The following ZFP14 variants were observed in gnomAD, a reference collection of about 807,000 sequenced individuals.
The protein encoded by ZFP14 is zinc finger protein 14 homolog.
A neutral mutation model predicts 54.5 loss-of-function variants in ZFP14; 22 were observed. That is an observed-to-expected ratio of 0.40 (90% confidence interval 0.29 to 0.58). The LOEUF (loss-of-function observed/expected upper bound fraction) is 0.58, where lower values mean the gene tolerates loss of function less well. Among genes scored for constraint, ZFP14 ranks in the 20% least tolerant of loss-of-function variants. The probability of loss-of-function intolerance (pLI) is 0.39; values close to 1 mark genes in which losing one functional copy is unlikely to be tolerated. For synonymous variants in ZFP14, 159 were observed against 204.0 expected, an observed-to-expected ratio of 0.78 and a Z score of 1.88; for missense variants, 470 against 637.8, an observed-to-expected ratio of 0.74 and a Z score of 2.83.
chr19:36,361,563 C>A (rs778385544), intron 3 of ZFP14, among the ~76,000 whole-genome samples: 29 of 152,120 alleles, frequency 1.9e-4, no homozygotes, highest in Non-Finnish European at 2.8e-4. Context: ...GAGATGGAGT[C>A]TCACTCTGTC....
chr19:36,358,586 T>C (rs1313535215), intron 4 of ZFP14, among the ~76,000 whole-genome samples: 3 of 152,194 alleles, frequency 2.0e-5, no homozygotes, highest in African/African-American at 7.2e-5. Flanking sequence ...TTTCTTTTGA[T>C]AATGGATTTT....
intron 1 of ZFP14, 36 bp from the exon 2 acceptor site, chr19:36,368,007 G>A (rs1025123458): frequency 4.1e-5 from 50 of 1,228,554 alleles, no homozygotes; most frequent in African/African-American, 3.1e-4. Context: ...AATAAGCTGC[G>A]CCACAGAGCT....
intron 1 of ZFP14, 74 bp downstream of exon 1, chr19:36,379,089 T>G (rs1315369125): frequency 1.3e-5 from 2 of 152,500 alleles, no homozygotes; most frequent in Non-Finnish European, 2.9e-5. Context: ...TACTGCCTCC[T>G]GGCTCACACT....
At chr19:36,348,109 T>C (rs887165866) in intron 4 of ZFP14, among the ~76,000 whole-genome samples, 12 of 152,180 alleles carry the variant, frequency 7.9e-5, no homozygotes, top group Admixed American at 2.6e-4. Context: ...CAATTTCTAA[T>C]GGCTTTCTTT....
chr19:36,374,383 G>A (rs776801452), intron 1 of ZFP14, among the ~76,000 whole-genome samples: 5 of 151,712 alleles, frequency 3.3e-5, no homozygotes, highest in Admixed American at 6.6e-5. Flanking sequence ...CCAGCTACTC[G>A]GGAGGCTGGG....
At position 36,355,129 on chromosome 19, in the gene ZFP14, G is replaced by T. The variant is rs776026782; in HGVS notation, c.235+5306C>A. On this transcript the variant is annotated intron_variant, in intron 4 of 4. Transcript: ENST00000270001. ...CCACTGGTGTCCAGCACAACACCTA[G>T]TTCCAACTAGGCACTCAAGTATTTG... Among the ~76,000 whole-genome samples the T allele has an allele frequency of 1.5e-4, 22 of 143,478 alleles. 3 individuals carry two copies. Among genetic ancestry groups the T allele is most frequent in the Non-Finnish European group, 2.6e-4 (17 of 64,570 alleles). 94.1% of individuals were successfully genotyped at this position (143,478 alleles called of 152,430 possible).
At chr19:36,356,128 A>G (rs1373755757) in intron 4 of ZFP14, among the ~76,000 whole-genome samples, 1 of 105,822 alleles carries the variant, frequency 9.4e-6, no homozygotes, top group African/African-American at 3.3e-5. Context: ...AGTATAGCAC[A>G]ATATTCAAAA....
Position 36,355,303 on chromosome 19 carries a change from G to A in ZFP14, c.235+5132C>T, listed in dbSNP as rs1354900108. Among the ~76,000 whole-genome samples, 7 of 143,120 alleles carry A rather than the reference G, an allele frequency of 4.9e-5. 1 individual carries two copies. The highest frequency in any genetic ancestry group is 1.8e-4 in the African/African-American group (7 of 39,058). 93.9% of individuals were successfully genotyped at this position (143,120 alleles called of 152,430 possible). Reference sequence around the variant, plus strand: ...TGAGCCCTAACTAACTGTATGTGGAGATGGGGCTTTTAGGAGGTAATTAAG... The same window carrying A: ...TGAGCCCTAACTAACTGTATGTGGAAATGGGGCTTTTAGGAGGTAATTAAG... On this transcript the variant is annotated intron_variant, in intron 4 of 4. Transcript: ENST00000270001.
At position 36,336,780 on chromosome 19, in the gene ZFP14, A is replaced by G. The variant is rs2031208320; in HGVS notation, c.*3444T>C. 1 of 150,948 alleles carries G rather than the reference A, an allele frequency of 6.6e-6. No individual in the cohort carries two copies. The highest frequency in any genetic ancestry group is 2.4e-5 in the African/African-American group (1 of 41,072). 9.4% of individuals were successfully genotyped at this position (150,948 alleles called of 1,614,324 possible). A position where few individuals can be genotyped will look rare whatever the true frequency, so the allele number is the denominator to read the frequency against. On this transcript the variant is annotated 3_prime_UTR_variant, in exon 5 of 5. Coordinates refer to ENST00000270001, the MANE Select transcript of ZFP14 (RefSeq NM_020917.3). ...ACAAGGTTAGATGTGCAGGCATCTC[A>G]CTGTCATTCATTTCTACATAGTCTA...
rs758786164 is a variant in ZFP14, at chr19:36,362,214, C to T, written c.34G>A (p.Ala12Thr). ...CATTCTTCCTGTGAGAAGTCTATGG[C>T]CACATCCCTGAATGTCACTGAACCC... ...AHGSVTFRDV[A>T]IDFSQEEWEF... is the part of the protein sequence containing the mutation. The change falls in exon 3 of 5, where the codon GCC becomes ACC. Residue 12 changes from alanine (A) to threonine (T), a missense_variant. Physicochemically the swap from Ala to Thr is moderately conservative, Grantham distance 58. Transcript: ENST00000270001. 2 of 1,610,444 alleles carry T rather than the reference C, an allele frequency of 1.2e-6. No homozygotes were observed. The highest frequency in any genetic ancestry group is 1.1e-5 in the South Asian group (1 of 90,612).
intron 4 of ZFP14, among the ~76,000 whole-genome samples, chr19:36,343,735 A>G (rs60499535): frequency 0.38 from 57,170 of 151,982 alleles, 10,733 homozygotes; most frequent in Admixed American, 0.42. Context: ...ATCTGGTGAG[A>G]GCCTTCTTGC....
chr19:36,376,900 G>A (rs148829511), intron 1 of ZFP14, among the ~76,000 whole-genome samples: 29 of 152,280 alleles, frequency 1.9e-4, no homozygotes, highest in African/African-American at 7.0e-4. Flanking sequence ...GTGGCAGGTT[G>A]AGGACTAGAA....
chr19:36,338,972 T>C lies in ZFP14; in HGVS notation c.*1252A>G, dbSNP rs1317779994. ...ACAACAGGGATTGTAAGCCTTTTGC[T>C]TTCTGGAATTATGGGAAAATCATTT... On this transcript the variant is annotated 3_prime_UTR_variant, in exon 5 of 5. Transcript: ENST00000270001. The C allele has an allele frequency of 6.6e-6, 1 of 152,232 alleles. No individual in the cohort carries two copies. Among genetic ancestry groups the C allele is most frequent in the Non-Finnish European group, 1.5e-5 (1 of 68,028 alleles). The allele number at this position is 152,232 out of a possible 1,614,324, so 9.4% of individuals were successfully genotyped here. A position where few individuals can be genotyped will look rare whatever the true frequency, so the allele number is the denominator to read the frequency against.
At chr19:36,359,958 T>C (rs1209858414) in intron 4 of ZFP14, among the ~76,000 whole-genome samples, 2 of 152,104 alleles carry the variant, frequency 1.3e-5, no homozygotes, top group Admixed American at 6.5e-5. Context: ...CCCAGCCTCT[T>C]ATTATTCTTT....
intron 4 of ZFP14, among the ~76,000 whole-genome samples, chr19:36,351,599 G>A (rs930177173): frequency 7.0e-6 from 1 of 143,536 alleles, no homozygotes; most frequent in African/African-American, 2.6e-5. Flanking sequence ...AGTGGCTTAC[G>A]CCTGTAATCA....
At chr19:36,347,644 A>G (rs1395701007) in intron 4 of ZFP14, among the ~76,000 whole-genome samples, 1 of 151,122 alleles carries the variant, frequency 6.6e-6, no homozygotes, top group African/African-American at 2.5e-5. Context: ...AAGAAAAAGT[A>G]ATCAAAGACC....
At chr19:36,346,655 A>G (rs959041594) in intron 4 of ZFP14, among the ~76,000 whole-genome samples, 1 of 152,086 alleles carries the variant, frequency 6.6e-6, no homozygotes, top group Non-Finnish European at 1.5e-5. Context: ...ACGGGGTTTC[A>G]CCATGTTGGC....
At position 36,339,310 on chromosome 19, in the gene ZFP14, T is replaced by A. The variant is rs774675944; in HGVS notation, c.*914A>T. 1.3e-5 allele frequency: 2 copies of A among 152,190 alleles called. No homozygotes were observed. The highest frequency in any genetic ancestry group is 4.8e-5 in the African/African-American group (2 of 41,442). 9.4% of individuals were successfully genotyped at this position (152,190 alleles called of 1,614,324 possible). On this transcript the variant is annotated 3_prime_UTR_variant, in exon 5 of 5. Transcript: ENST00000270001. The stretch of plus-strand genomic sequence containing the variant: ...TGTGATTCCTCCAAGTATTAACTAC[T>A]TACTCCTTGCAACAATCCTATTCCA...
At chr19:36,364,194 T>G (rs780392697) in intron 2 of ZFP14, among the ~76,000 whole-genome samples, 7 of 152,180 alleles carry the variant, frequency 4.6e-5, no homozygotes, top group Admixed American at 3.3e-4. Flanking sequence ...CCCTAAAAAG[T>G]ACAAGACAAT....
Sources: allele counts gnomAD v4.1 joint callset (sites outside exome capture counted in the v4.1 genomes callset), GRCh38; gene constraint gnomAD v4.1.1; transcripts MANE v1.5; gene names NCBI Gene and HGNC (gene_info 2026-07-23, HGNC 2026-07-21).